The following IGF1R variants were observed in gnomAD, a reference collection of about 807,000 sequenced individuals.
IGF1R encodes the protein insulin-like growth factor 1 receptor.
Under a neutral mutation model 144.6 loss-of-function variants are expected in IGF1R, and 44 were observed. The observed-to-expected ratio is 0.30, with a 90% CI of 0.24 to 0.39. The LOEUF (loss-of-function observed/expected upper bound fraction) is 0.39, where lower values mean the gene tolerates loss of function less well. IGF1R is among the 10% of genes least tolerant of loss of function. IGF1R has a pLI of 1.00. For synonymous variants in IGF1R, 795 were observed against 722.8 expected, an observed-to-expected ratio of 1.10 and a Z score of -1.60; for missense variants, 1,355 against 1,833.7, an observed-to-expected ratio of 0.74 and a Z score of 4.77.
intron 1 of IGF1R, among the ~76,000 whole-genome samples, chr15:98,652,216 C>T (rs145391781): frequency 2.6e-5 from 4 of 152,136 alleles, no homozygotes; most frequent in African/African-American, 9.7e-5. Context: ...TAAATGAAGG[C>T]GGTTCGGAGG....
intron 18 of IGF1R, among the ~76,000 whole-genome samples, chr15:98,941,674 G>A (rs1004788322): frequency 1.6e-4 from 25 of 152,280 alleles, no homozygotes; most frequent in African/African-American, 5.5e-4. Flanking sequence ...TCTCATGGAT[G>A]ACAAATATGA....
chr15:98,957,457 A>G lies in IGF1R; in HGVS notation c.*15A>G, dbSNP rs45561434. On this transcript the variant is annotated 3_prime_UTR_variant, in exon 21 of 21. Transcript: ENST00000650285. ...CGACCTGCTGATCCTTGGATCCTGA[A>G]TCTGTGCAAACAGTAACGTGTGCGC... 3,478 of 1,612,560 alleles carry G rather than the reference A, an allele frequency of 2.2e-3. 80 individuals carry two copies. In the African/African-American group the frequency reaches 0.042, roughly 19 times the overall value.
At chr15:98,649,870 G>A (rs2052306195) in intron 1 of IGF1R, among the ~76,000 whole-genome samples, 195 bp downstream of exon 1, 1 of 152,138 alleles carries the variant, frequency 6.6e-6, no homozygotes, top group Non-Finnish European at 1.5e-5. Context: ...TTCGTCTGGA[G>A]CCCCGCGGGC....
chr15:98,886,612 C>T (rs2013655153), intron 2 of IGF1R, among the ~76,000 whole-genome samples: 1 of 152,160 alleles, frequency 6.6e-6, no homozygotes, highest in African/African-American at 2.4e-5. Context: ...AAGAGGGTCC[C>T]TTCCTTTCCC....
chr15:98,707,455 T>TTAA lies in IGF1R; in HGVS notation c.95-98_95-96dup, dbSNP rs933447168. 11 of 1,161,472 alleles carry TTAA rather than the reference T, an allele frequency of 9.5e-6. No individual in the cohort carries two copies. Among genetic ancestry groups the TTAA allele is most frequent in the Middle Eastern group, 5.2e-4 (2 of 3,838 alleles). The allele number at this position is 1,161,472 out of a possible 1,614,324, so 71.9% of individuals were successfully genotyped here. A position where few individuals can be genotyped will look rare whatever the true frequency, so the allele number is the denominator to read the frequency against. On this transcript the variant is annotated intron_variant, in intron 1 of 20. Transcript: ENST00000650285. This position sits in a 1 kb window ranked among gnomAD's most constrained non-coding sequence, Gnocchi z 6.7. ...CAGTGAACAATTGAACCTCATTTCTTTAATAATAATACAGGATTCCTGAAA... is the reference window on the plus strand; with the variant it reads ...CAGTGAACAATTGAACCTCATTTCTTTAATAATAATAATACAGGATTCCTGAAA...
At chr15:98,694,981 T>G (rs948038941) in intron 1 of IGF1R, among the ~76,000 whole-genome samples, 4 of 152,168 alleles carry the variant, frequency 2.6e-5, no homozygotes, top group African/African-American at 7.2e-5. Flanking sequence ...TGTTCCAAAT[T>G]TGTGAGATCC....
intron 17 of IGF1R, among the ~76,000 whole-genome samples, chr15:98,938,051 C>T (rs1177716729): frequency 6.6e-6 from 1 of 152,128 alleles, no homozygotes; most frequent in Admixed American, 6.6e-5. Flanking sequence ...CCCAGAAGTA[C>T]CGAGGAGTTG....
At chr15:98,759,641 A>G (rs1337253047) in intron 2 of IGF1R, among the ~76,000 whole-genome samples, 1 of 152,236 alleles carries the variant, frequency 6.6e-6, no homozygotes, top group Non-Finnish European at 1.5e-5. Flanking sequence ...CCAATTCTGT[A>G]CTGAATAAAA....
intron 2 of IGF1R, among the ~76,000 whole-genome samples, chr15:98,823,861 C>G (rs1301602431): frequency 6.6e-6 from 1 of 151,956 alleles, no homozygotes; most frequent in African/African-American, 2.4e-5. Flanking sequence ...ACCACAAAAA[C>G]AAACAAAAAC....
At chr15:98,829,679 G>A (rs999498110) in intron 2 of IGF1R, among the ~76,000 whole-genome samples, 10 of 152,196 alleles carry the variant, frequency 6.6e-5, no homozygotes, top group Admixed American at 4.6e-4. Context: ...GCTGTTTGGG[G>A]ACAGTCTGTA....
intron 1 of IGF1R, among the ~76,000 whole-genome samples, chr15:98,679,303 T>A (rs2141210809): frequency 6.6e-6 from 1 of 152,346 alleles, no homozygotes; most frequent in Admixed American, 6.5e-5. Context: ...TGTGTGGTGT[T>A]ATGCCCTCTG....
At chr15:98,791,862 G>C (rs1166542975) in intron 2 of IGF1R, among the ~76,000 whole-genome samples, 1 of 152,196 alleles carries the variant, frequency 6.6e-6, no homozygotes, top group African/African-American at 2.4e-5. Context: ...GAGAGTTTCA[G>C]TGGTCTGGTT....
Position 98,962,037 on chromosome 15 carries a change from T to G in IGF1R, c.*4595T>G. 1 of 233,372 alleles carries G rather than the reference T, an allele frequency of 4.3e-6. No individual in the cohort carries two copies. The highest frequency in any genetic ancestry group is 1.3e-3 in the Middle Eastern group (1 of 786). The allele number at this position is 233,372 out of a possible 1,614,324, so 14.5% of individuals were successfully genotyped here. A position where few individuals can be genotyped will look rare whatever the true frequency, so the allele number is the denominator to read the frequency against. ...TCTGGCACCAGATTCTAGGCCAGTT[T>G]GTTCCACTGAAGCTTTTCCCACAGC... On this transcript the variant is annotated 3_prime_UTR_variant, in exon 21 of 21. Transcript: ENST00000650285.
chr15:98,837,980 C>A (rs2011116993), intron 2 of IGF1R, among the ~76,000 whole-genome samples: 1 of 152,196 alleles, frequency 6.6e-6, no homozygotes, highest in South Asian at 2.1e-4. Context: ...GATCTGTTGG[C>A]TTGCAAAGCC....
chr15:98,894,564 C>T (rs533414254), intron 3 of IGF1R, among the ~76,000 whole-genome samples: 1 of 152,324 alleles, frequency 6.6e-6, no homozygotes, highest in South Asian at 2.1e-4. Flanking sequence ...AAGCCAACCT[C>T]AAAAGATCAC....
At position 98,959,242 on chromosome 15, in the gene IGF1R, G is replaced by A. The variant is rs981233780; in HGVS notation, c.*1800G>A. On this transcript the variant is annotated 3_prime_UTR_variant, in exon 21 of 21. Transcript: ENST00000650285. ...CTTGGGTACAACAGCAGTGTTAACCGCAGACACTAGGCATTTGGATTACTA... is the reference window on the plus strand; with the variant it reads ...CTTGGGTACAACAGCAGTGTTAACCACAGACACTAGGCATTTGGATTACTA... The A allele has an allele frequency of 3.9e-5, 9 of 233,310 alleles. No homozygotes were observed. In the East Asian group the frequency reaches 5.4e-4, roughly 14 times the overall value. The allele number at this position is 233,310 out of a possible 1,614,324, so 14.5% of individuals were successfully genotyped here.
intron 2 of IGF1R, among the ~76,000 whole-genome samples, chr15:98,869,616 G>A (rs562467523): frequency 1.3e-5 from 2 of 152,114 alleles, no homozygotes; most frequent in East Asian, 1.9e-4. Context: ...TGTGTTTTTA[G>A]TAGAGATGGG....
intron 2 of IGF1R, among the ~76,000 whole-genome samples, chr15:98,751,267 C>A (rs184255786): frequency 2.6e-5 from 4 of 152,166 alleles, no homozygotes; most frequent in Non-Finnish European, 5.9e-5. Context: ...GTGGTACCAT[C>A]GTAACTCACT....
chr15:98,924,680 CAA>C lies in IGF1R; in HGVS notation c.2781_2782del (p.Lys927AsnfsTer4). 1 of 1,613,422 alleles carries C rather than the reference CAA, an allele frequency of 6.2e-7. No homozygotes were observed. Among genetic ancestry groups the C allele is most frequent in the Non-Finnish European group, 8.5e-7 (1 of 1,179,816 alleles). On this transcript the variant is annotated frameshift_variant and splice_region_variant, in exon 13 of 21. Coordinates refer to ENST00000650285, the MANE Select transcript of IGF1R (RefSeq NM_000875.5). LOFTEE classifies it high-confidence loss of function. ...TDPVFFYVQAKTGYENFIHLI... is the reference protein window; with the variant it reads ...TDPVFFYVQAXTGYENFIHLI... ...ATCCTGTGTTCTTCTATGTCCAGGC[CAA>C]AAGTAAGGCTTGTGGAGGGAGAAGA...
Sources: gnomAD v4.1 joint callset for allele counts (sites outside exome capture counted in the v4.1 genomes callset) on GRCh38, gnomAD v4.1.1 for gene constraint, Gnocchi (gnomAD v3.1) non-coding constraint, MANE v1.5 for transcripts, NCBI Gene and HGNC (gene_info 2026-07-23, HGNC 2026-07-21) for gene names.